Variants in RUNDC3B observed in about 807,000 individuals in gnomAD.
The protein encoded by RUNDC3B is RUN domain containing 3B, also known as RUN domain-containing protein 3B.
In RUNDC3B, 33 loss-of-function variants were observed where a neutral mutation model predicts 58.4. The ratio of observed to expected loss-of-function variants is 0.56; its 90% confidence interval spans 0.43 to 0.75. The LOEUF (loss-of-function observed/expected upper bound fraction) is 0.75. RUNDC3B is among the 30% of genes least tolerant of loss of function. RUNDC3B has a pLI of 0.00. For missense variants in RUNDC3B, 501 were observed against 535.7 expected (o/e 0.94, Z 0.64); for synonymous variants, 193 against 195.2 (o/e 0.99, Z 0.10).
Position 87,699,079 on chromosome 7 carries a change from T to A in RUNDC3B, c.239-1342T>A, listed in dbSNP as rs184907474. ...TTTAAAAGCAGTCAAGTTACACTAA[T>A]GTTCTGCCATGGTTTGGAACCACTC... On this transcript the variant is annotated intron_variant, in intron 2 of 10. Coordinates refer to ENST00000394654, the MANE Select transcript of RUNDC3B (RefSeq NM_001134405.2). Among the ~76,000 whole-genome samples, 152 of 152,300 alleles carry A rather than the reference T, an allele frequency of 1.0e-3. 1 individual carries two copies. The highest frequency in any genetic ancestry group is 6.8e-3 in the Middle Eastern group (2 of 294).
intron 8 of RUNDC3B, among the ~76,000 whole-genome samples, chr7:87,803,310 A>G (rs770904157): frequency 6.6e-6 from 1 of 152,212 alleles, no homozygotes; most frequent in Non-Finnish European, 1.5e-5. Flanking sequence ...TCCATTTTTC[A>G]GTTGAGAAGT....
At chr7:87,778,625 CTCAAA>C (rs1285184816) in intron 8 of RUNDC3B, among the ~76,000 whole-genome samples, 1 of 152,108 alleles carries the variant, frequency 6.6e-6, no homozygotes, top group African/African-American at 2.4e-5. Flanking sequence ...ACTAGCGCTA[CTCAAA>C]GTATAGTGCT....
chr7:87,743,602 T>C (rs1475027773), intron 6 of RUNDC3B, among the ~76,000 whole-genome samples: 1 of 152,254 alleles, frequency 6.6e-6, no homozygotes, highest in East Asian at 1.9e-4. Flanking sequence ...TGTTGCCATT[T>C]GTATATCTTC....
rs181008850 is a variant in RUNDC3B, at chr7:87,818,303, A to C, written c.1225+2041A>C. On this transcript the variant is annotated intron_variant, in intron 10 of 10. Coordinates refer to ENST00000394654, the MANE Select transcript of RUNDC3B (RefSeq NM_001134405.2). The stretch of plus-strand genomic sequence containing the variant: ...AAGGTTTAATAGCAGATTAAAAGTT[A>C]CTTACAGAGTTTCCATACCCAATTA... Among the ~76,000 whole-genome samples, 10 of 152,300 alleles carry C rather than the reference A, an allele frequency of 6.6e-5. No individual in the cohort carries two copies. The East Asian group carries it at 1.9e-3, about 29-fold the overall frequency.
At chr7:87,822,906 G>T (rs913743756) in intron 10 of RUNDC3B, among the ~76,000 whole-genome samples, 5 of 152,072 alleles carry the variant, frequency 3.3e-5, no homozygotes, top group African/African-American at 1.2e-4. Context: ...GGGTAGTGGG[G>T]AGGGATAGCA....
intron 6 of RUNDC3B, among the ~76,000 whole-genome samples, chr7:87,741,923 T>C (rs1304842631): frequency 6.6e-6 from 1 of 152,194 alleles, no homozygotes; most frequent in African/African-American, 2.4e-5. Context: ...TTGTTTTCCA[T>C]TTTTTCTCAT....
At chr7:87,724,221 T>G (rs1170750649) in intron 4 of RUNDC3B, among the ~76,000 whole-genome samples, 2 of 152,246 alleles carry the variant, frequency 1.3e-5, no homozygotes, top group Admixed American at 6.5e-5. Flanking sequence ...AGACCCTGTC[T>G]CTCTGAGTCC....
chr7:87,753,552 G>A (rs955425453), intron 6 of RUNDC3B, among the ~76,000 whole-genome samples: 1 of 152,138 alleles, frequency 6.6e-6, no homozygotes, highest in Admixed American at 6.5e-5. Flanking sequence ...ATGAATCTGG[G>A]TGCTCCTGCA....
At chr7:87,685,518 T>A (rs539507223) in intron 2 of RUNDC3B, among the ~76,000 whole-genome samples, 45 of 151,156 alleles carry the variant, frequency 3.0e-4, no homozygotes, top group African/African-American at 9.4e-4. Flanking sequence ...GGAAAAAAAA[T>A]TTCCACACAC....
chr7:87,706,904 G>A (rs1471366609), intron 3 of RUNDC3B, among the ~76,000 whole-genome samples: 1 of 152,210 alleles, frequency 6.6e-6, no homozygotes, highest in Non-Finnish European at 1.5e-5. Context: ...GCTGATTGAT[G>A]ATTTCACAGT....
At chr7:87,694,037 G>GT in intron 2 of RUNDC3B, 1 of 1,573,442 alleles carries the variant, frequency 6.4e-7, no homozygotes, top group East Asian at 2.3e-5. Flanking sequence ...GGCTGTATCA[G>GT]TTAAGTGATC....
At chr7:87,657,827 G>C (rs1483832767) in intron 2 of RUNDC3B, among the ~76,000 whole-genome samples, 1 of 152,076 alleles carries the variant, frequency 6.6e-6, no homozygotes, top group Non-Finnish European at 1.5e-5. Flanking sequence ...TGCCCTTATT[G>C]GGTGTCAGTG....
At chr7:87,739,921 T>C in intron 5 of RUNDC3B, 41 bp downstream of exon 5, 1 of 916,908 alleles carries the variant, frequency 1.1e-6, no homozygotes, top group Non-Finnish European at 1.7e-6. Context: ...TTATTCTATA[T>C]CTTAATAGTT....
chr7:87,694,721 A>T (rs929958619), intron 2 of RUNDC3B, among the ~76,000 whole-genome samples: 7 of 152,178 alleles, frequency 4.6e-5, no homozygotes, highest in Non-Finnish European at 8.8e-5. Context: ...TCATTCCACC[A>T]GTACTTTAAG....
chr7:87,630,843 C>G (rs554235177), intron 1 of RUNDC3B, among the ~76,000 whole-genome samples: 21 of 152,060 alleles, frequency 1.4e-4, no homozygotes, highest in African/African-American at 5.1e-4. Context: ...GTGCCCTTAT[C>G]AGAGACAGTT....
intron 4 of RUNDC3B, among the ~76,000 whole-genome samples, chr7:87,724,077 C>T (rs889074034): frequency 1.3e-5 from 2 of 152,004 alleles, no homozygotes; most frequent in African/African-American, 4.8e-5. Context: ...TTAAAAACCA[C>T]GTGGGTGTGG....
At chr7:87,648,184 CAA>C (rs138383809) in intron 1 of RUNDC3B, among the ~76,000 whole-genome samples, 20 of 65,420 alleles carry the variant, frequency 3.1e-4, no homozygotes, top group Non-Finnish European at 3.7e-4. Context: ...GACTCTGTCT[CAA>C]AAAAAAAAAA....
intron 1 of RUNDC3B, among the ~76,000 whole-genome samples, chr7:87,634,929 C>T (rs747278432): frequency 2.8e-4 from 43 of 152,120 alleles, no homozygotes; most frequent in Non-Finnish European, 4.1e-4. Flanking sequence ...CTCTTTTCAA[C>T]GACTAGTCCT....
At chr7:87,755,607 A>G (rs1208134264) in intron 6 of RUNDC3B, among the ~76,000 whole-genome samples, 2 of 152,210 alleles carry the variant, frequency 1.3e-5, no homozygotes, top group Admixed American at 6.5e-5. Context: ...ATAAACATAA[A>G]TAAAGACAAA....
Sources: allele counts gnomAD v4.1 joint callset (sites outside exome capture counted in the v4.1 genomes callset), GRCh38; gene constraint gnomAD v4.1.1; transcripts MANE v1.5; gene names NCBI Gene and HGNC (gene_info 2026-07-23, HGNC 2026-07-21).